PRKCZ: variants seen among roughly 807,000 people sequenced by gnomAD.
PRKCZ encodes protein kinase C zeta.
A neutral mutation model predicts 79.5 loss-of-function variants in PRKCZ; 33 were observed. The observed-to-expected ratio is 0.41, with a 90% CI of 0.31 to 0.55. The LOEUF is 0.55. PRKCZ is among the 20% of genes least tolerant of loss of function. The pLI is 0.19. For synonymous variants in PRKCZ, 342 were observed against 320.9 expected (o/e 1.07, Z -0.70); for missense variants, 578 against 813.5 (o/e 0.71, Z 3.52).
chr1:2,089,101 C>T lies in PRKCZ; in HGVS notation c.334+29510C>T, dbSNP rs1312104482. Among the ~76,000 whole-genome samples the T allele has an allele frequency of 3.9e-5, 6 of 152,282 alleles. No individual in the cohort carries two copies. In the East Asian group the frequency reaches 5.8e-4, roughly 15 times the overall value. On this transcript the variant is annotated intron_variant, in intron 4 of 17. Coordinates refer to ENST00000378567, the MANE Select transcript of PRKCZ (RefSeq NM_002744.6). ...GGTGCCAGTTCTGTTCCGGGCTCAT[C>T]GTTTCTTTTTAAAATGGTGGAGCTT...
At chr1:2,102,315 T>TA in intron 4 of PRKCZ, among the ~76,000 whole-genome samples, 1 of 60,870 alleles carries the variant, frequency 1.6e-5, no homozygotes, top group Non-Finnish European at 3.1e-5. Flanking sequence ...TTTTATTGCG[T>TA]TTTTTTTTTT....
At chr1:2,126,942 C>T (rs1026336856) in intron 4 of PRKCZ, among the ~76,000 whole-genome samples, 9 of 152,208 alleles carry the variant, frequency 5.9e-5, no homozygotes, top group East Asian at 1.9e-4. Context: ...CCCACAGGGC[C>T]GGGTTCTGCC....
intron 5 of PRKCZ, chr1:2,140,989 C>T (rs1677201276): frequency 6.6e-6 from 1 of 152,182 alleles, no homozygotes; most frequent in South Asian, 2.1e-4. Context: ...GGAATATGAG[C>T]AAGGAACAAG....
chr1:2,104,954 G>A (rs929412902), intron 4 of PRKCZ: 8 of 983,700 alleles, frequency 8.1e-6, no homozygotes, highest in Non-Finnish European at 9.7e-6. Context: ...TTATTCAGGA[G>A]GGCGCGGCCG....
In PRKCZ at chr1:2,094,911, C is replaced by T. The variant is rs1230002274; in HGVS notation, c.334+35320C>T. ...CCCTCTCTCTCCTGCCTATAAAAAG[C>T]CCTGCCCTGGGTTCCCTGCTCCATG... On this transcript the variant is annotated intron_variant, in intron 4 of 17. Coordinates refer to ENST00000378567, the MANE Select transcript of PRKCZ (RefSeq NM_002744.6). This position sits in a 1 kb window ranked among gnomAD's most constrained non-coding sequence, Gnocchi z 7.3. Among the ~76,000 whole-genome samples the T allele has an allele frequency of 1.3e-5, 2 of 152,170 alleles. No individual in the cohort carries two copies. The highest frequency in any genetic ancestry group is 4.8e-5 in the African/African-American group (2 of 41,398).
intron 4 of PRKCZ, among the ~76,000 whole-genome samples, chr1:2,076,571 G>A (rs1342917435): frequency 3.3e-5 from 5 of 151,982 alleles, no homozygotes; most frequent in Non-Finnish European, 5.9e-5. Context: ...GAGAAACCCC[G>A]GCTCTACTAA....
In PRKCZ at chr1:2,170,764, C is replaced by T. The variant is rs114004625; in HGVS notation, c.1061+1160C>T. Among the ~76,000 whole-genome samples, 339 of 152,314 alleles carry T rather than the reference C, an allele frequency of 2.2e-3. 1 individual carries two copies. Among genetic ancestry groups the T allele is most frequent in the African/African-American group, 7.7e-3 (321 of 41,560 alleles). On this transcript the variant is annotated intron_variant, in intron 11 of 17. Coordinates refer to ENST00000378567, the MANE Select transcript of PRKCZ (RefSeq NM_002744.6). ...AATCACAGTGTTGGTCCTTCGGTGGCTCATTTTCCTGAGCATAGCGTCCTC... is the reference window on the plus strand; with the variant it reads ...AATCACAGTGTTGGTCCTTCGGTGGTTCATTTTCCTGAGCATAGCGTCCTC...
intron 10 of PRKCZ, among the ~76,000 whole-genome samples, chr1:2,161,588 G>A (rs1029200784): frequency 7.9e-5 from 12 of 152,236 alleles, no homozygotes; most frequent in Admixed American, 7.2e-4. Context: ...CGGGAGAAAG[G>A]GATGCGTTGT....
intron 16 of PRKCZ, chr1:2,184,259 C>T (rs1196314630): frequency 3.2e-5 from 10 of 313,172 alleles, no homozygotes; most frequent in Non-Finnish European, 6.1e-5. Flanking sequence ...CTTGTTCAGC[C>T]AGTTAGTTGT....
At chr1:2,146,370 C>T (rs1297926801) in intron 7 of PRKCZ, among the ~76,000 whole-genome samples, 2 of 152,190 alleles carry the variant, frequency 1.3e-5, no homozygotes, top group South Asian at 4.1e-4. Flanking sequence ...TTGTGGTTGC[C>T]CAGGGGTGCA....
chr1:2,176,616 T>G (rs1572021602), intron 16 of PRKCZ, among the ~76,000 whole-genome samples: 1 of 152,078 alleles, frequency 6.6e-6, no homozygotes, highest in South Asian at 2.1e-4. Flanking sequence ...TTGGAGGAGG[T>G]TGAACTGAAT....
chr1:2,084,611 G>T (rs951371837), intron 4 of PRKCZ, among the ~76,000 whole-genome samples: 1 of 152,244 alleles, frequency 6.6e-6, no homozygotes, highest in Admixed American at 6.5e-5. Flanking sequence ...GGGGGTGAGT[G>T]GGGCATGGAG....
intron 4 of PRKCZ, among the ~76,000 whole-genome samples, chr1:2,115,410 G>A (rs916655526): frequency 2.0e-5 from 3 of 152,242 alleles, no homozygotes; most frequent in East Asian, 1.9e-4. Context: ...TTTCCCTCGC[G>A]TGGCCGCACC....
At chr1:2,133,301 C>T (rs942924172) in intron 4 of PRKCZ, among the ~76,000 whole-genome samples, 3 of 150,598 alleles carry the variant, frequency 2.0e-5, no homozygotes, top group Admixed American at 6.6e-5. Context: ...CCTGCGGCTC[C>T]GCCCGCAGCT....
At position 2,060,127 on chromosome 1, in the gene PRKCZ, C is replaced by T. The variant is rs569478723; in HGVS notation, c.334+536C>T. 5.3e-5 allele frequency among the ~76,000 whole-genome samples: 8 copies of T among 152,362 alleles called. No individual in the cohort carries two copies. In the South Asian group the frequency reaches 1.2e-3, roughly 24 times the overall value. On this transcript the variant is annotated intron_variant, in intron 4 of 17. Coordinates refer to ENST00000378567, the MANE Select transcript of PRKCZ (RefSeq NM_002744.6). ...GCAGGTGGCTACGCTGCTCTCGGGC[C>T]GCGCATCCCATGGCTGTGCTTGGTG...
At chr1:2,134,971 C>T (rs748620962) in intron 4 of PRKCZ, 7 of 256,990 alleles carry the variant, frequency 2.7e-5, no homozygotes, top group African/African-American at 4.5e-5. Flanking sequence ...CACGGCTCCA[C>T]TGTCAGCAAG....
chr1:2,135,038 C>A, intron 4 of PRKCZ: 1 of 455,710 alleles, frequency 2.2e-6, no homozygotes, highest in African/African-American at 2.0e-5. Context: ...TCCATCCACA[C>A]CTGGGCCTCT....
At chr1:2,147,503 G>A (rs960280711) in intron 7 of PRKCZ, among the ~76,000 whole-genome samples, 2 of 140,814 alleles carry the variant, frequency 1.4e-5, no homozygotes, top group African/African-American at 2.7e-5. Flanking sequence ...GTCCACTGAC[G>A]TCTCCATCTG....
chr1:2,093,334 G>A (rs950698939), intron 4 of PRKCZ, among the ~76,000 whole-genome samples: 1 of 152,126 alleles, frequency 6.6e-6, no homozygotes, highest in Non-Finnish European at 1.5e-5. Flanking sequence ...TGCTCTTGGC[G>A]GGCGGCTAGT....
Sources: allele counts gnomAD v4.1 joint callset (sites outside exome capture counted in the v4.1 genomes callset), GRCh38; gene constraint gnomAD v4.1.1; non-coding constraint Gnocchi (gnomAD v3.1); transcripts MANE v1.5; gene names NCBI Gene and HGNC (gene_info 2026-07-23, HGNC 2026-07-21).